Variants in CRYBG2 observed in about 807,000 individuals in gnomAD.
CRYBG2 encodes the protein crystallin beta-gamma domain containing 2, also known as beta/gamma crystallin domain-containing protein 2.
Under a neutral mutation model 153.4 loss-of-function variants are expected in CRYBG2, and 106 were observed. That is an observed-to-expected ratio of 0.69 (90% CI 0.59 to 0.81). The LOEUF (loss-of-function observed/expected upper bound fraction) is 0.81, where lower values mean the gene tolerates loss of function less well. Among genes scored for constraint, CRYBG2 ranks in the 30% least tolerant of loss-of-function variants. The pLI is 0.00. For synonymous variants in CRYBG2, 851 were observed against 877.8 expected (o/e 0.97, Z 0.54); for missense variants, 1,996 against 2,112.0 (o/e 0.95, Z 1.08).
intron 14 of CRYBG2, among the ~76,000 whole-genome samples, chr1:26,332,036 G>A (rs563180883): frequency 9.9e-5 from 15 of 152,264 alleles, no homozygotes; most frequent in Middle Eastern, 3.4e-3. Flanking sequence ...GGCTGGGCGC[G>A]GTGGCTCACG....
intron 17 of CRYBG2, 97 bp downstream of exon 17, chr1:26,328,112 G>A: frequency 1.1e-5 from 16 of 1,460,142 alleles, no homozygotes; most frequent in Middle Eastern, 2.2e-4. Flanking sequence ...GTACACAAAT[G>A]CTGTGTTTGG....
chr1:26,348,358 A>T (rs1328876069), intron 1 of CRYBG2, among the ~76,000 whole-genome samples: 1 of 152,134 alleles, frequency 6.6e-6, no homozygotes, highest in Non-Finnish European at 1.5e-5. Context: ...GCAGTTCTAG[A>T]CCAGCCTAGG....
Position 26,322,266 on chromosome 1 carries a change from C to T in CRYBG2, c.4795G>A (p.Val1599Met). 2 of 1,614,062 alleles carry T rather than the reference C, an allele frequency of 1.2e-6. No homozygotes were observed. Among genetic ancestry groups the T allele is most frequent in the African/African-American group, 1.3e-5 (1 of 75,068 alleles). The change falls in exon 19 of 20, where the codon GTG becomes ATG. Residue 1599 changes from valine to methionine, a missense_variant. By Grantham distance (21) the Val-to-Met change is conservative (BLOSUM62 1). Transcript: ENST00000308182. Reference protein sequence around the residue: ...IGPPSPGSKVVLWAESRLPRQ... With the variant: ...IGPPSPGSKVMLWAESRLPRQ... Reference sequence around the variant, plus strand: ...GGCAGGCGGCTCTCGGCCCACAGCACCACCTTGGAGCCTGGGCTAGGGGGT... The same window carrying T: ...GGCAGGCGGCTCTCGGCCCACAGCATCACCTTGGAGCCTGGGCTAGGGGGT...
In CRYBG2 at chr1:26,340,864, G is replaced by A. The variant is rs553212414; in HGVS notation, c.3205-1435C>T. 8.4e-4 allele frequency among the ~76,000 whole-genome samples: 128 copies of A among 151,886 alleles called. No individual in the cohort carries two copies. The Middle Eastern group carries it at 0.014, about 16-fold the overall frequency. ...ATTCCTGACCTCAGGTGATCCACCT[G>A]CCTCAGCCTCCCAAAGTGTTGGGAT... On this transcript the variant is annotated intron_variant, in intron 5 of 19. Coordinates refer to ENST00000308182, the MANE Select transcript of CRYBG2 (RefSeq NM_001039775.4).
chr1:26,321,965 GT>G lies in CRYBG2; in HGVS notation c.*2del. On this transcript the variant is annotated 3_prime_UTR_variant, in exon 20 of 20. Coordinates refer to ENST00000308182, the MANE Select transcript of CRYBG2 (RefSeq NM_001039775.4). ...CCAGGGCTGGAGGGTGAGGGGAAAA[GT>G]TTCAAAGCACGTGGATAGTCCAGAT... 1 of 1,564,120 alleles carries G rather than the reference GT, an allele frequency of 6.4e-7. No individual in the cohort carries two copies. Among genetic ancestry groups the G allele is most frequent in the East Asian group, 2.3e-5 (1 of 42,962 alleles).
chr1:26,328,387 A>C, intron 16 of CRYBG2, 55 bp from the exon 17 acceptor site: 1 of 1,543,072 alleles, frequency 6.5e-7, no homozygotes, highest in African/African-American at 1.4e-5. Context: ...ACAGACAGAC[A>C]GACAGGTGGA....
At position 26,336,160 on chromosome 1, in the gene CRYBG2, G is replaced by C. The variant is rs1440831227; in HGVS notation, c.4119C>G (p.Phe1373Leu). ...CGGGCAGAGCGGCCTGGTCATCTTC[G>C]AAAGAGAAGTGGTCGCCCAGAAAGT... ...RPDFLGDHFSFEDDQAALPAS... is the reference protein window; with the variant it reads ...RPDFLGDHFSLEDDQAALPAS... The change falls in exon 14 of 20, where the codon TTC becomes TTG. Residue 1373 changes from phenylalanine to leucine, a missense_variant. Transcript: ENST00000308182. This position sits in a 1 kb window ranked among gnomAD's most constrained non-coding sequence, Gnocchi z 4.9. 6.5e-7 allele frequency: 1 copy of C among 1,545,998 alleles called. No homozygotes were observed. Among genetic ancestry groups the C allele is most frequent in the South Asian group, 1.2e-5 (1 of 82,950 alleles).
chr1:26,351,614 A>G (rs2074287936), intron 1 of CRYBG2, among the ~76,000 whole-genome samples: 1 of 152,214 alleles, frequency 6.6e-6, no homozygotes, highest in African/African-American at 2.4e-5. Flanking sequence ...GCGGCCGATC[A>G]TGAGATCAGA....
chr1:26,340,880 G>A (rs1360447388), intron 5 of CRYBG2, among the ~76,000 whole-genome samples: 2 of 151,828 alleles, frequency 1.3e-5, no homozygotes, highest in Admixed American at 1.3e-4. Context: ...GCCTCCCAAA[G>A]TGTTGGGATT....
In CRYBG2 at chr1:26,343,611, G is replaced by A; in HGVS notation, c.2913+134C>T. On this transcript the variant is annotated intron_variant, in intron 2 of 19. Transcript: ENST00000308182. This position sits in a 1 kb window ranked among gnomAD's most constrained non-coding sequence, Gnocchi z 4.1. The stretch of plus-strand genomic sequence containing the variant: ...GCCCAGAGAGATGTGGCTTGCACAG[G>A]TCAACTGAACCAGACTTCAGACAGA... 4 of 1,193,734 alleles carry A rather than the reference G, an allele frequency of 3.4e-6. 1 individual carries two copies. Among genetic ancestry groups the A allele is most frequent in the African/African-American group, 3.1e-5 (2 of 64,876 alleles). 73.9% of individuals were successfully genotyped at this position (1,193,734 alleles called of 1,614,324 possible). A position where few individuals can be genotyped will look rare whatever the true frequency, so the allele number is the denominator to read the frequency against.
Position 26,336,163 on chromosome 1 carries a change from A to T in CRYBG2, c.4116T>A (p.Ser1372=). 6.5e-7 allele frequency: 1 copy of T among 1,548,228 alleles called. No homozygotes were observed. The highest frequency in any genetic ancestry group is 1.2e-5 in the South Asian group (1 of 83,202). Residue 1372 remains serine, a synonymous_variant, in exon 14 of 20, where the codon TCT becomes TCA. Transcript: ENST00000308182. The surrounding 1 kb of genome is among the most constrained non-coding windows in gnomAD (Gnocchi z 4.9). ...GCAGAGCGGCCTGGTCATCTTCGAAAGAGAAGTGGTCGCCCAGAAAGTCGG... is the reference window on the plus strand; with the variant it reads ...GCAGAGCGGCCTGGTCATCTTCGAATGAGAAGTGGTCGCCCAGAAAGTCGG... ...SRPDFLGDHF[S]FEDDQAALPA...
chr1:26,341,725 G>A (rs187832645), intron 5 of CRYBG2, among the ~76,000 whole-genome samples: 48 of 152,246 alleles, frequency 3.2e-4, no homozygotes, highest in African/African-American at 1.1e-3. Context: ...GACCTCAGGT[G>A]ATCCCCCAAC....
intron 8 of CRYBG2, 101 bp from the exon 9 acceptor site, chr1:26,337,775 C>T: frequency 6.8e-7 from 1 of 1,470,026 alleles, no homozygotes; most frequent in Non-Finnish European, 9.1e-7. Flanking sequence ...ACCCCCCAGC[C>T]CTCCCACCTC....
At position 26,331,504 on chromosome 1, in the gene CRYBG2, G is replaced by C. The variant is rs767673703; in HGVS notation, c.4299C>G (p.Leu1433=). The C allele has an allele frequency of 1.9e-5, 31 of 1,613,692 alleles. No homozygotes were observed. The highest frequency in any genetic ancestry group is 2.7e-5 in the African/African-American group (2 of 74,930). The change falls in exon 15 of 20, where the codon CTC becomes CTG. Residue 1433 remains leucine, a synonymous_variant. Transcript: ENST00000308182. ...GGAAACTCACCAGGGATACCTTCTG[G>C]AGAGAGCCCAGGACTGTGGAGGCGA... ...GCLASTVLGS[L]QKVSLHFSEP...
At chr1:26,328,485 G>C in intron 16 of CRYBG2, 153 bp from the exon 17 acceptor site, 1 of 1,258,722 alleles carries the variant, frequency 7.9e-7, no homozygotes, top group South Asian at 1.5e-5. Context: ...CCAGGGCGGA[G>C]AGGGAGGCTG....
rs781561317 is a variant in CRYBG2, at chr1:26,345,683, GGCCCTGGCATCCGGGGCTCT to G, written c.955_974del (p.Arg319LeufsTer2). On this transcript the variant is annotated frameshift_variant, in exon 2 of 20. Coordinates refer to ENST00000308182, the MANE Select transcript of CRYBG2 (RefSeq NM_001039775.4). LOFTEE classifies it high-confidence loss of function. ...CTCCCAGCACCTGCCAGAGCTCACA[GGCCCTGGCATCCGGGGCTCT>G]GCCCTGGTCTCTGTCCGGACAGGCT... 2.5e-6 allele frequency: 4 copies of G among 1,598,534 alleles called. No individual in the cohort carries two copies. In the Admixed American group the frequency reaches 6.7e-5, roughly 27 times the overall value.
rs1265973921 is a variant in CRYBG2, at chr1:26,336,370, C to T, written c.4039G>A (p.Val1347Ile). The T allele has an allele frequency of 6.2e-7, 1 of 1,613,352 alleles. No individual in the cohort carries two copies. Among genetic ancestry groups the T allele is most frequent in the Non-Finnish European group, 8.5e-7 (1 of 1,179,630 alleles). The change falls in exon 13 of 20, where the codon GTC (valine) becomes ATC (isoleucine). Residue 1347 changes from valine (V) to isoleucine (I), a missense_variant and splice_region_variant. Transcript: ENST00000308182. This position sits in a 1 kb window ranked among gnomAD's most constrained non-coding sequence, Gnocchi z 4.9. ...ACGAAGTGCAGATCGTGCTCCCCGA[C>T]CTGAAGGTAGGGACCGAATCGAGAA... ...TLASLQPVLQ[V>I]GEHDLHFVSK... is the part of the protein sequence containing the mutation.
rs1355826198 is a variant in CRYBG2, at chr1:26,337,535, C to T, written c.3644+3G>A. The T allele has an allele frequency of 1.2e-6, 2 of 1,611,650 alleles. No homozygotes were observed. ...AATAGAAGGAAGGGTCCTGAGTTCT[C>T]ACCAGCCTCCGAGAACTCTCAGGGA... On this transcript the variant is annotated splice_donor_region_variant and intron_variant, in intron 9 of 19. Coordinates refer to ENST00000308182, the MANE Select transcript of CRYBG2 (RefSeq NM_001039775.4).
chr1:26,324,581 A>C (rs2073901585), intron 17 of CRYBG2, among the ~76,000 whole-genome samples: 1 of 151,784 alleles, frequency 6.6e-6, no homozygotes, highest in Admixed American at 6.6e-5. Context: ...CAGAGGGACA[A>C]ACTGACAGAT....
Sources: allele counts gnomAD v4.1 joint callset (sites outside exome capture counted in the v4.1 genomes callset), GRCh38; gene constraint gnomAD v4.1.1; non-coding constraint Gnocchi (gnomAD v3.1); transcripts MANE v1.5; gene names NCBI Gene and HGNC (gene_info 2026-07-23, HGNC 2026-07-21).